The following FHIT variants were observed in gnomAD, a reference collection of about 807,000 sequenced individuals.
FHIT encodes fragile histidine triad diadenosine triphosphatase, also known as bis(5'-adenosyl)-triphosphatase.
Under a neutral mutation model 17.9 loss-of-function variants are expected in FHIT, and 19 were observed. The ratio of observed to expected loss-of-function variants is 1.06; its 90% CI spans 0.74 to 1.56. FHIT has a LOEUF of 1.56. Among genes scored for constraint, FHIT ranks in the 40% most tolerant of loss-of-function variants. The pLI is 0.00. For synonymous variants in FHIT, 81 were observed against 69.7 expected (o/e 1.16, Z -0.81); for missense variants, 248 against 189.2 (o/e 1.31, Z -1.82).
At chr3:59,840,162 A>G (rs1356597610) in intron 8 of FHIT, among the ~76,000 whole-genome samples, 3 of 152,178 alleles carry the variant, frequency 2.0e-5, no homozygotes, top group African/African-American at 7.2e-5. Context: ...AAATCTTGAC[A>G]TCTCACTTGA....
chr3:61,234,256 A>G (rs957606006), intron 1 of FHIT, among the ~76,000 whole-genome samples: 3 of 152,186 alleles, frequency 2.0e-5, no homozygotes, highest in African/African-American at 7.2e-5. Flanking sequence ...CAGCTTTACA[A>G]CGTGGCCCAG....
chr3:60,856,951 C>G (rs782634785), intron 3 of FHIT, among the ~76,000 whole-genome samples: 5 of 152,160 alleles, frequency 3.3e-5, no homozygotes, highest in Non-Finnish European at 5.9e-5. Context: ...CCATGCCCCA[C>G]TCCAAAACCA....
chr3:61,219,553 C>A (rs2106817076), intron 1 of FHIT, among the ~76,000 whole-genome samples: 1 of 152,268 alleles, frequency 6.6e-6, no homozygotes, highest in Middle Eastern at 3.4e-3. Context: ...CCTACAGTTA[C>A]AATATTATAC....
chr3:60,424,739 G>C (rs1021635537), intron 5 of FHIT, among the ~76,000 whole-genome samples: 10 of 152,084 alleles, frequency 6.6e-5, no homozygotes, highest in African/African-American at 9.7e-5. Context: ...GTGCTTTGAA[G>C]AAGAACATAG....
At chr3:60,495,940 A>C (rs1471485775) in intron 5 of FHIT, among the ~76,000 whole-genome samples, 4 of 152,176 alleles carry the variant, frequency 2.6e-5, no homozygotes, top group African/African-American at 9.7e-5. Context: ...AATAGAATGG[A>C]ACACTGTTTT....
At chr3:60,483,628 T>A (rs1414850141) in intron 5 of FHIT, among the ~76,000 whole-genome samples, 1 of 152,124 alleles carries the variant, frequency 6.6e-6, no homozygotes, top group Non-Finnish European at 1.5e-5. Context: ...ATATTCAACA[T>A]CCCTTCGTGT....
chr3:61,149,467 AT>A (rs1167929087), intron 2 of FHIT, among the ~76,000 whole-genome samples: 1 of 152,002 alleles, frequency 6.6e-6, no homozygotes, highest in African/African-American at 2.4e-5. Flanking sequence ...AAATAATTTA[AT>A]TTTTTAAATA....
intron 5 of FHIT, among the ~76,000 whole-genome samples, chr3:60,467,371 C>T (rs1322910054): frequency 6.6e-6 from 1 of 151,026 alleles, no homozygotes; most frequent in Non-Finnish European, 1.5e-5. Flanking sequence ...ATTTTTCCTT[C>T]TACTAATTTT....
At chr3:60,182,862 G>A (rs541761308) in intron 5 of FHIT, among the ~76,000 whole-genome samples, 9 of 151,508 alleles carry the variant, frequency 5.9e-5, no homozygotes, top group East Asian at 3.9e-4. Context: ...GCTGCCAGTC[G>A]GGGGCAGTGT....
chr3:59,816,689 C>T (rs78645814), intron 8 of FHIT, among the ~76,000 whole-genome samples: 5,446 of 152,248 alleles, frequency 0.036, 340 homozygotes, highest in African/African-American at 0.12. Flanking sequence ...GATTTCTATT[C>T]CCTAAAGTTC....
chr3:59,832,904 T>C (rs1352359339), intron 8 of FHIT, among the ~76,000 whole-genome samples: 2 of 152,186 alleles, frequency 1.3e-5, no homozygotes, highest in East Asian at 3.8e-4. Flanking sequence ...TCCGAGTCCT[T>C]TGAGCCCCTG....
chr3:59,911,104 G>A (rs1400568368), intron 8 of FHIT, among the ~76,000 whole-genome samples: 1 of 151,946 alleles, frequency 6.6e-6, no homozygotes, highest in East Asian at 1.9e-4. Flanking sequence ...ATTATTCTTG[G>A]TCTGATTATT....
At chr3:60,694,629 G>A (rs2041072521) in intron 4 of FHIT, among the ~76,000 whole-genome samples, 1 of 152,152 alleles carries the variant, frequency 6.6e-6, no homozygotes, top group African/African-American at 2.4e-5. Context: ...GTTTATTGCG[G>A]CACTATTCAC....
chr3:60,247,790 T>C (rs1170568201), intron 5 of FHIT, among the ~76,000 whole-genome samples: 1 of 152,102 alleles, frequency 6.6e-6, no homozygotes, highest in Non-Finnish European at 1.5e-5. Flanking sequence ...ATGAGAGAAA[T>C]TCACATATCT....
In FHIT at chr3:60,682,482, T is replaced by C. The variant is rs571044983; in HGVS notation, c.-18+139437A>G. Among the ~76,000 whole-genome samples, 6 of 152,324 alleles carry C rather than the reference T, an allele frequency of 3.9e-5. 1 individual carries two copies. In the South Asian group the frequency reaches 1.0e-3, roughly 26 times the overall value. On this transcript the variant is annotated intron_variant, in intron 4 of 9. Transcript: ENST00000492590. The stretch of plus-strand genomic sequence containing the variant: ...AAAATGCTAAGGCCCTTAAGAATGA[T>C]ACTACACCAACTCTTCATGTTCTCT...
chr3:60,765,014 G>A (rs1157944480), intron 4 of FHIT, among the ~76,000 whole-genome samples: 1 of 152,100 alleles, frequency 6.6e-6, no homozygotes, highest in African/African-American at 2.4e-5. Flanking sequence ...ACATCTTAAT[G>A]TCTCTTCTCT....
At chr3:60,913,480 G>C (rs573091314) in intron 3 of FHIT, among the ~76,000 whole-genome samples, 1 of 152,268 alleles carries the variant, frequency 6.6e-6, no homozygotes, top group South Asian at 2.1e-4. Context: ...ATTATAATAA[G>C]ATCTCCAGAT....
chr3:60,692,873 T>C (rs1345021145), intron 4 of FHIT, among the ~76,000 whole-genome samples: 4 of 152,228 alleles, frequency 2.6e-5, no homozygotes, highest in Admixed American at 1.3e-4. Flanking sequence ...CTTACATGCA[T>C]AGTAATTCTT....
intron 2 of FHIT, among the ~76,000 whole-genome samples, chr3:61,043,627 C>T (rs1219616755): frequency 6.6e-6 from 1 of 152,206 alleles, no homozygotes; most frequent in African/African-American, 2.4e-5. Context: ...TTGAAGAGAG[C>T]AGTGGTTCTC....
Sources: gnomAD v4.1 joint callset for allele counts (sites outside exome capture counted in the v4.1 genomes callset) on GRCh38, gnomAD v4.1.1 for gene constraint, MANE v1.5 for transcripts, NCBI Gene and HGNC (gene_info 2026-07-23, HGNC 2026-07-21) for gene names.